FBXL17: variants seen among roughly 807,000 people sequenced by gnomAD.
FBXL17 encodes the protein F-box and leucine rich repeat protein 17, also known as F-box/LRR-repeat protein 17.
Under a neutral mutation model 66.2 loss-of-function variants are expected in FBXL17, and 22 were observed. The observed-to-expected ratio is 0.33, with a 90% confidence interval of 0.24 to 0.47. The LOEUF (loss-of-function observed/expected upper bound fraction) is 0.47. FBXL17 is among the 20% of genes least tolerant of loss of function. The pLI, the probability that FBXL17 is intolerant of heterozygous loss-of-function variation, is 1.00. For missense variants in FBXL17, 878 were observed against 948.2 expected, an observed-to-expected ratio of 0.93 and a Z score of 0.97; for synonymous variants, 474 against 400.5, an observed-to-expected ratio of 1.18 and a Z score of -2.19.
intron 6 of FBXL17, among the ~76,000 whole-genome samples, chr5:108,125,169 A>AATG (rs1343936649): frequency 1.3e-5 from 2 of 152,046 alleles, no homozygotes; most frequent in Non-Finnish European, 2.9e-5. Flanking sequence ...GCAACATACT[A>AATG]TAAAAATAAA....
intron 7 of FBXL17, among the ~76,000 whole-genome samples, chr5:107,972,973 TC>T (rs927123529): frequency 1.3e-5 from 2 of 152,210 alleles, no homozygotes; most frequent in African/African-American, 4.8e-5. Context: ...TCACCCCATC[TC>T]CATCCCTGTT....
intron 6 of FBXL17, among the ~76,000 whole-genome samples, chr5:108,048,591 C>T (rs1057078714): frequency 2.0e-5 from 3 of 152,108 alleles, no homozygotes; most frequent in African/African-American, 7.2e-5. Context: ...AACTAGAATA[C>T]CCAGTTTAAA....
At chr5:107,885,332 T>C (rs959859764) in intron 7 of FBXL17, among the ~76,000 whole-genome samples, 28 of 152,208 alleles carry the variant, frequency 1.8e-4, no homozygotes, top group African/African-American at 6.5e-4. Context: ...CCCATAGACA[T>C]ACAAATGACA....
At chr5:108,330,741 C>T (rs1760083193) in intron 4 of FBXL17, among the ~76,000 whole-genome samples, 1 of 152,074 alleles carries the variant, frequency 6.6e-6, no homozygotes, top group Non-Finnish European at 1.5e-5. Context: ...CACACGTGCA[C>T]ACACATCATC....
At chr5:107,924,373 G>C (rs553337249) in intron 7 of FBXL17, among the ~76,000 whole-genome samples, 4 of 152,074 alleles carry the variant, frequency 2.6e-5, no homozygotes, top group Non-Finnish European at 5.9e-5. Flanking sequence ...GGTACAAGGA[G>C]TCTTATTAGA....
At chr5:108,091,645 G>T (rs1460832320) in intron 6 of FBXL17, among the ~76,000 whole-genome samples, 2 of 152,048 alleles carry the variant, frequency 1.3e-5, no homozygotes, top group Non-Finnish European at 2.9e-5. Flanking sequence ...ATGGGAATCA[G>T]GCCTTATACT....
chr5:108,111,255 G>A (rs1419220823), intron 6 of FBXL17, among the ~76,000 whole-genome samples: 1 of 148,266 alleles, frequency 6.7e-6, no homozygotes, highest in East Asian at 2.0e-4. Context: ...AGAAAAAGAA[G>A]AAAGAGGGAG....
intron 7 of FBXL17, among the ~76,000 whole-genome samples, chr5:107,930,885 G>C (rs1356321895): frequency 6.6e-6 from 1 of 152,148 alleles, no homozygotes; most frequent in East Asian, 1.9e-4. Flanking sequence ...ATTTATACTA[G>C]TTTGTCAATA....
chr5:108,217,645 T>C lies in FBXL17; in HGVS notation c.1614+6476A>G, dbSNP rs141574692. On this transcript the variant is annotated intron_variant, in intron 5 of 8. Coordinates refer to ENST00000542267, the MANE Select transcript of FBXL17 (RefSeq NM_001163315.3). ...ATATAGTTACTTACTATAGTAAATA[T>C]GTACTATATGTACTATGTACTATAT... Among the ~76,000 whole-genome samples, 94 of 150,550 alleles carry C rather than the reference T, an allele frequency of 6.2e-4. 1 individual carries two copies. In the East Asian group the frequency reaches 0.012, roughly 20 times the overall value.
At chr5:108,326,252 A>G (rs974005544) in intron 4 of FBXL17, among the ~76,000 whole-genome samples, 2 of 152,138 alleles carry the variant, frequency 1.3e-5, no homozygotes, top group Non-Finnish European at 2.9e-5. Flanking sequence ...TATCAAAAAT[A>G]TAGAACTCTT....
intron 1 of FBXL17, among the ~76,000 whole-genome samples, chr5:108,374,341 A>G (rs1222600844): frequency 6.6e-6 from 1 of 152,194 alleles, no homozygotes; most frequent in Non-Finnish European, 1.5e-5. Flanking sequence ...AGCTCATACA[A>G]AGTATCTTTT....
intron 6 of FBXL17, among the ~76,000 whole-genome samples, chr5:108,048,787 T>G (rs1179983721): frequency 3.9e-5 from 6 of 152,062 alleles, no homozygotes; most frequent in African/African-American, 1.4e-4. Flanking sequence ...GAACAGAGCC[T>G]CTGAGAAATA....
chr5:107,960,166 T>C (rs1410367283), intron 7 of FBXL17, among the ~76,000 whole-genome samples: 1 of 152,216 alleles, frequency 6.6e-6, no homozygotes, highest in South Asian at 2.1e-4. Flanking sequence ...TACTCATTTA[T>C]CCACGGTTCT....
At chr5:107,942,954 CT>C (rs141462362) in intron 7 of FBXL17, among the ~76,000 whole-genome samples, 3,511 of 152,260 alleles carry the variant, frequency 0.023, 126 homozygotes, top group African/African-American at 0.08. Context: ...ACAATGGACA[CT>C]TTTCAGGTCC....
At chr5:107,964,047 T>A (rs1752023321) in intron 7 of FBXL17, among the ~76,000 whole-genome samples, 1 of 152,154 alleles carries the variant, frequency 6.6e-6, no homozygotes. Flanking sequence ...ATGAATAAAG[T>A]AGCATAGTTT....
intron 7 of FBXL17, among the ~76,000 whole-genome samples, chr5:107,980,581 C>T (rs1474112638): frequency 2.1e-5 from 3 of 144,612 alleles, no homozygotes; most frequent in Non-Finnish European, 3.0e-5. Context: ...AGTAATCCAC[C>T]GACCTCGGCT....
intron 7 of FBXL17, among the ~76,000 whole-genome samples, chr5:107,945,409 T>C (rs936670560): frequency 6.6e-6 from 1 of 152,112 alleles, no homozygotes; most frequent in South Asian, 2.1e-4. Context: ...CACAAGAAGA[T>C]ACACAAGGAT....
intron 6 of FBXL17, among the ~76,000 whole-genome samples, chr5:108,022,844 T>A (rs1300092815): frequency 6.6e-6 from 1 of 152,220 alleles, no homozygotes; most frequent in East Asian, 1.9e-4. Context: ...AACCAACATT[T>A]ATATAAAATA....
intron 7 of FBXL17, among the ~76,000 whole-genome samples, chr5:107,932,561 T>C (rs962947462): frequency 1.3e-5 from 2 of 152,154 alleles, no homozygotes; most frequent in African/African-American, 4.8e-5. Context: ...ACAGATATAA[T>C]AAAACAAATG....
Sources: gnomAD v4.1 joint callset for allele counts (sites outside exome capture counted in the v4.1 genomes callset) on GRCh38, gnomAD v4.1.1 for gene constraint, MANE v1.5 for transcripts, NCBI Gene and HGNC (gene_info 2026-07-23, HGNC 2026-07-21) for gene names.